LIN7A: variants seen among roughly 807,000 people sequenced by gnomAD.
The protein encoded by LIN7A is protein lin-7 homolog A.
Under a neutral mutation model 29.8 loss-of-function variants are expected in LIN7A, and 25 were observed. The observed-to-expected ratio is 0.84, with a 90% CI of 0.61 to 1.17. The LOEUF (loss-of-function observed/expected upper bound fraction) is 1.17, where lower values mean the gene tolerates loss of function less well. Among genes scored for constraint, LIN7A ranks in the 50% most tolerant of loss-of-function variants. The pLI, the probability that LIN7A is intolerant of heterozygous loss-of-function variation, is 0.00. For synonymous variants in LIN7A, 118 were observed against 107.5 expected (o/e 1.10, Z -0.60); for missense variants, 239 against 287.0 (o/e 0.83, Z 1.21).
chr12:80,805,076 A>G (rs953667084), intron 5 of LIN7A, among the ~76,000 whole-genome samples: 4 of 152,336 alleles, frequency 2.6e-5, no homozygotes, highest in Admixed American at 1.3e-4. Context: ...AACAAGATTA[A>G]ACATAGTACC....
intron 5 of LIN7A, among the ~76,000 whole-genome samples, chr12:80,809,133 T>C (rs916736520): frequency 3.9e-5 from 6 of 151,968 alleles, no homozygotes; most frequent in African/African-American, 1.4e-4. Flanking sequence ...CTACAGGAGC[T>C]AATTTTTGAA....
intron 4 of LIN7A, among the ~76,000 whole-genome samples, chr12:80,835,099 T>C (rs1872545958): frequency 6.6e-6 from 1 of 152,198 alleles, no homozygotes; most frequent in African/African-American, 2.4e-5. Flanking sequence ...AATATTCTAT[T>C]CATTTGAGAT....
chr12:80,793,353 T>C lies in LIN7A; in HGVS notation c.*4374A>G, dbSNP rs1309583883. 3 of 152,216 alleles carry C rather than the reference T, an allele frequency of 2.0e-5. No individual in the cohort carries two copies. The highest frequency in any genetic ancestry group is 1.5e-5 in the Non-Finnish European group (1 of 68,028). 9.4% of individuals were successfully genotyped at this position (152,216 alleles called of 1,614,324 possible). Reference sequence around the variant, plus strand: ...CTCACTGGGGTATAACCGTGGTTTATAGATAAACTAAGCAGCATTTTTGAG... The same window carrying C: ...CTCACTGGGGTATAACCGTGGTTTACAGATAAACTAAGCAGCATTTTTGAG... On this transcript the variant is annotated 3_prime_UTR_variant, in exon 6 of 6. Transcript: ENST00000552864.
At chr12:80,837,899 CT>C (rs150458194) in intron 4 of LIN7A, among the ~76,000 whole-genome samples, 2,498 of 151,094 alleles carry the variant, frequency 0.017, 58 homozygotes, top group African/African-American at 0.057. Flanking sequence ...GATTATAACC[CT>C]TTTTTTTTGT....
At chr12:80,854,933 A>T (rs1379907867) in intron 2 of LIN7A, among the ~76,000 whole-genome samples, 1 of 152,188 alleles carries the variant, frequency 6.6e-6, no homozygotes, top group African/African-American at 2.4e-5. Context: ...TAATAATAAC[A>T]TGACATTCAT....
At chr12:80,937,079 G>T (rs1878270980) in intron 1 of LIN7A, 2 of 152,488 alleles carry the variant, frequency 1.3e-5, no homozygotes, top group Admixed American at 1.3e-4. Context: ...CCTGCCTGCT[G>T]CAGCCCCGCC....
chr12:80,878,457 G>A (rs572576772), intron 2 of LIN7A, among the ~76,000 whole-genome samples: 1 of 152,186 alleles, frequency 6.6e-6, no homozygotes, highest in Non-Finnish European at 1.5e-5. Flanking sequence ...TCCTGCTGGT[G>A]GGTTTGTGGT....
intron 4 of LIN7A, among the ~76,000 whole-genome samples, chr12:80,830,633 A>G (rs368468852): frequency 6.6e-6 from 1 of 152,082 alleles, no homozygotes; most frequent in African/African-American, 2.4e-5. Context: ...TTAAAAGTTG[A>G]TTTTTTTTAA....
At chr12:80,895,484 T>A (rs1243658250) in intron 1 of LIN7A, among the ~76,000 whole-genome samples, 1 of 152,202 alleles carries the variant, frequency 6.6e-6, no homozygotes, top group Admixed American at 6.5e-5. Context: ...TTAAAGTTAC[T>A]GTTCACTAAT....
chr12:80,798,485 A>G (rs140796250), intron 5 of LIN7A, among the ~76,000 whole-genome samples: 1 of 152,260 alleles, frequency 6.6e-6, no homozygotes, highest in African/African-American at 2.4e-5. Flanking sequence ...CCTGGGGCCT[A>G]CTGAGTGGAT....
At chr12:80,842,328 T>G (rs1202753667) in intron 4 of LIN7A, among the ~76,000 whole-genome samples, 1 of 152,122 alleles carries the variant, frequency 6.6e-6, no homozygotes. Flanking sequence ...ACATCTGATG[T>G]GTTGTCCTGC....
At chr12:80,800,784 G>A (rs1355043980) in intron 5 of LIN7A, among the ~76,000 whole-genome samples, 5 of 151,482 alleles carry the variant, frequency 3.3e-5, no homozygotes, top group Admixed American at 3.3e-4. Context: ...AAAGCCAGAC[G>A]AAGACACTAG....
intron 1 of LIN7A, among the ~76,000 whole-genome samples, chr12:80,914,227 C>T (rs542995382): frequency 1.2e-4 from 18 of 152,226 alleles, no homozygotes; most frequent in African/African-American, 2.6e-4. Context: ...GATCGGGTTC[C>T]GTGAACAGAG....
At chr12:80,869,005 A>G (rs550157888) in intron 2 of LIN7A, among the ~76,000 whole-genome samples, 54 of 152,236 alleles carry the variant, frequency 3.5e-4, no homozygotes, top group Admixed American at 1.6e-3. Flanking sequence ...GGCAATATGT[A>G]ATCTAAACCA....
At chr12:80,838,489 T>A (rs1419518238) in intron 4 of LIN7A, among the ~76,000 whole-genome samples, 1 of 152,178 alleles carries the variant, frequency 6.6e-6, no homozygotes, top group Non-Finnish European at 1.5e-5. Context: ...CATGCTGCAT[T>A]GTTTGTGCTC....
chr12:80,927,270 A>T (rs529033101), intron 1 of LIN7A, among the ~76,000 whole-genome samples: 36 of 139,062 alleles, frequency 2.6e-4, no homozygotes, highest in African/African-American at 8.2e-4. Context: ...CAGGCGATTC[A>T]CCTGCCTCAG....
At position 80,849,282 on chromosome 12, in the gene LIN7A, G is replaced by A. The variant is rs190743708; in HGVS notation, c.202-960C>T. 1.1e-4 allele frequency among the ~76,000 whole-genome samples: 16 copies of A among 152,258 alleles called. No homozygotes were observed. In the East Asian group the frequency reaches 3.1e-3, roughly 29 times the overall value. On this transcript the variant is annotated intron_variant, in intron 2 of 5. Transcript: ENST00000552864. ...GCAAATTCTCCAGGTTACCTGAACA[G>A]CTGCTAAACGTACTTCCAGATTATT...
At chr12:80,919,137 G>A (rs1275206078) in intron 1 of LIN7A, among the ~76,000 whole-genome samples, 2 of 152,188 alleles carry the variant, frequency 1.3e-5, no homozygotes, top group Non-Finnish European at 2.9e-5. Flanking sequence ...GTTAAGGAAT[G>A]CATGCCGGTA....
chr12:80,816,874 C>T lies in LIN7A; in HGVS notation c.484-5191G>A, dbSNP rs144526663. On this transcript the variant is annotated intron_variant, in intron 4 of 5. Coordinates refer to ENST00000552864, the MANE Select transcript of LIN7A (RefSeq NM_004664.4). Reference sequence around the variant, plus strand: ...ACCTCCATCTCCCAGGTCCAAGCGACTCTTGTGCCTCAGCCTCCCGAGTAG... The same window carrying T: ...ACCTCCATCTCCCAGGTCCAAGCGATTCTTGTGCCTCAGCCTCCCGAGTAG... Among the ~76,000 whole-genome samples, 814 of 152,316 alleles carry T rather than the reference C, an allele frequency of 5.3e-3. 5 individuals carry two copies. The highest frequency in any genetic ancestry group is 0.015 in the African/African-American group (604 of 41,572).
Sources: gnomAD v4.1 joint callset for allele counts (sites outside exome capture counted in the v4.1 genomes callset) on GRCh38, gnomAD v4.1.1 for gene constraint, MANE v1.5 for transcripts, NCBI Gene and HGNC (gene_info 2026-07-23, HGNC 2026-07-21) for gene names.